The following CMYA5 variants were observed in gnomAD, a reference collection of about 807,000 sequenced individuals.
The protein encoded by CMYA5 is cardiomyopathy associated 5.
CMYA5 carries 246 observed loss-of-function variants against 318.9 expected under a neutral mutation model. The observed-to-expected ratio is 0.77, with a 90% confidence interval of 0.70 to 0.86. CMYA5 has a LOEUF of 0.86. CMYA5 is among the 40% of genes least tolerant of loss of function. The pLI is 0.00. For missense variants in CMYA5, 4,589 were observed against 4,678.2 expected (o/e 0.98, Z 0.56); for synonymous variants, 1,641 against 1,729.5 (o/e 0.95, Z 1.27).
At chr5:79,790,518 C>A (rs566806170) in intron 10 of CMYA5, among the ~76,000 whole-genome samples, 32 of 152,186 alleles carry the variant, frequency 2.1e-4, no homozygotes, top group African/African-American at 7.2e-4. Flanking sequence ...ATCTGCCCAC[C>A]TTGGCCTCCC....
In CMYA5 at chr5:79,708,235, G is replaced by C. The variant is rs79032503; in HGVS notation, c.149+18179G>C. On this transcript the variant is annotated intron_variant, in intron 1 of 12. Transcript: ENST00000446378. ...GTTTCTATCCCACGGACTTAGCACT[G>C]TGGGGTATATTAAGATAATGACACA... Among the ~76,000 whole-genome samples the C allele has an allele frequency of 5.7e-3, 861 of 152,302 alleles. 8 individuals carry two copies. The highest frequency in any genetic ancestry group is 0.02 in the African/African-American group (841 of 41,556).
chr5:79,750,950 T>C (rs2151092012), intron 5 of CMYA5, among the ~76,000 whole-genome samples: 1 of 152,268 alleles, frequency 6.6e-6, no homozygotes, highest in South Asian at 2.1e-4. Context: ...ATGTGTATTT[T>C]TAGAGGGCTT....
At chr5:79,755,432 G>A (rs541281086) in intron 6 of CMYA5, among the ~76,000 whole-genome samples, 3 of 152,082 alleles carry the variant, frequency 2.0e-5, no homozygotes, top group Admixed American at 1.3e-4. Context: ...GATTACAGGC[G>A]TGCATCACCA....
At chr5:79,692,923 G>A (rs1826997011) in intron 1 of CMYA5, among the ~76,000 whole-genome samples, 1 of 152,126 alleles carries the variant, frequency 6.6e-6, no homozygotes. Context: ...TAGACAATGC[G>A]AGGTGCTGGG....
chr5:79,692,164 G>T (rs1381630214), intron 1 of CMYA5, among the ~76,000 whole-genome samples: 1 of 152,092 alleles, frequency 6.6e-6, no homozygotes, highest in Admixed American at 6.6e-5. Context: ...CAAAAGGGAG[G>T]GGGGTGTAGT....
intron 1 of CMYA5, among the ~76,000 whole-genome samples, chr5:79,719,415 G>A (rs1827578512): frequency 6.6e-6 from 1 of 152,072 alleles, no homozygotes; most frequent in African/African-American, 2.4e-5. Context: ...GGAATTTTTG[G>A]CATGGTCATC....
intron 12 of CMYA5, among the ~76,000 whole-genome samples, chr5:79,794,275 G>T (rs1580811105): frequency 1.3e-5 from 2 of 152,224 alleles, no homozygotes; most frequent in Admixed American, 1.3e-4. Flanking sequence ...GGTGACAGAT[G>T]TCTGTCAAAT....
Position 79,799,856 on chromosome 5 carries a change from G to A in CMYA5, c.*240G>A. ...CACTCTTTAGTTTATATAAGTTTGAGTTCTTTCCTAAATTAAAAGATCTAC... is the reference window on the plus strand; with the variant it reads ...CACTCTTTAGTTTATATAAGTTTGAATTCTTTCCTAAATTAAAAGATCTAC... On this transcript the variant is annotated 3_prime_UTR_variant, in exon 13 of 13. Coordinates refer to ENST00000446378, the MANE Select transcript of CMYA5 (RefSeq NM_153610.5). The A allele has an allele frequency of 2.7e-5, 5 of 186,720 alleles. No individual in the cohort carries two copies. The highest frequency in any genetic ancestry group is 7.6e-5 in the Admixed American group (1 of 13,240). The allele number at this position is 186,720 out of a possible 1,614,324, so 11.6% of individuals were successfully genotyped here.
chr5:79,747,030 CTCTCTT>C (rs1285740217), intron 4 of CMYA5, 55 bp from the exon 5 acceptor site: 1 of 1,000,992 alleles, frequency 1.0e-6, no homozygotes, highest in East Asian at 2.6e-5. Flanking sequence ...TAGCTTCTCT[CTCTCTT>C]TCTCTCTCTC....
chr5:79,709,300 G>T (rs1030846017), intron 1 of CMYA5, among the ~76,000 whole-genome samples: 2 of 152,124 alleles, frequency 1.3e-5, no homozygotes, highest in African/African-American at 4.8e-5. Flanking sequence ...AAAAAAATGT[G>T]CTGAAAGATG....
chr5:79,699,178 A>AC lies in CMYA5; in HGVS notation c.149+9122_149+9123insC, dbSNP rs201891437. Among the ~76,000 whole-genome samples, 12 of 152,090 alleles carry AC rather than the reference A, an allele frequency of 7.9e-5. No individual in the cohort carries two copies. In the South Asian group the frequency reaches 1.9e-3, roughly 24 times the overall value. The stretch of plus-strand genomic sequence containing the variant: ...GTCTCAAACAACAACAACAACAACA[A>AC]AAAAAGAAAAGAAAAAGAGAAAAGA... On this transcript the variant is annotated intron_variant, in intron 1 of 12. Coordinates refer to ENST00000446378, the MANE Select transcript of CMYA5 (RefSeq NM_153610.5).
chr5:79,735,281 G>T lies in CMYA5; in HGVS notation c.6516G>T (p.Lys2172Asn). The change falls in exon 2 of 13, where the codon AAG becomes AAT. Residue 2172 changes from lysine to asparagine, a missense_variant. By Grantham distance (94) the Lys-to-Asn change is moderately conservative. This residue lies in a region of CMYA5 where 2,431 missense variants were observed against 2,495.1 expected (regional missense o/e 0.97). Coordinates refer to ENST00000446378, the MANE Select transcript of CMYA5 (RefSeq NM_153610.5). ...CGGACCTTCCTGAGGAAAAGGGAAA[G>T]AAAGGAATTTCATCTTTCAAATCGT... ...AKPDLPEEKG[K>N]KGISSFKSWM... 6.2e-7 allele frequency: 1 copy of T among 1,613,834 alleles called. No homozygotes were observed. The highest frequency in any genetic ancestry group is 8.5e-7 in the Non-Finnish European group (1 of 1,179,832).
intron 4 of CMYA5, 53 bp from the exon 5 acceptor site, chr5:79,747,038 C>T: frequency 9.5e-7 from 1 of 1,056,062 alleles, no homozygotes; most frequent in Non-Finnish European, 1.4e-6. Flanking sequence ...CTCTCTCTTT[C>T]TCTCTCTCTT....
chr5:79,708,425 T>G (rs1827316329), intron 1 of CMYA5, among the ~76,000 whole-genome samples: 1 of 151,956 alleles, frequency 6.6e-6, no homozygotes, highest in Admixed American at 6.6e-5. Context: ...ATTGAGATCA[T>G]CCTGGCTAAC....
Position 79,735,574 on chromosome 5 carries a change from C to G in CMYA5, c.6809C>G (p.Ser2270Ter). 1 of 1,613,144 alleles carries G rather than the reference C, an allele frequency of 6.2e-7. No individual in the cohort carries two copies. Among genetic ancestry groups the G allele is most frequent in the Non-Finnish European group, 8.5e-7 (1 of 1,179,638 alleles). The change falls in exon 2 of 13, where the codon TCA (serine) becomes TGA (stop). Residue 2270 changes from serine to a stop codon, truncating the protein, a stop_gained. Transcript: ENST00000446378. LOFTEE classifies it high-confidence loss of function. ...QNVKEKSMIL[S>*]NVEDLQQPKF... ...GTTAAAGAAAAATCCATGATTTTATCAAATGTAGAAGATTTACAACAGCCA... is the reference window on the plus strand; with the variant it reads ...GTTAAAGAAAAATCCATGATTTTATGAAATGTAGAAGATTTACAACAGCCA...
chr5:79,711,633 A>T (rs929983129), intron 1 of CMYA5, among the ~76,000 whole-genome samples: 3 of 152,188 alleles, frequency 2.0e-5, no homozygotes, highest in East Asian at 1.9e-4. Context: ...GAGAATAAAT[A>T]AAAAAATGGG....
chr5:79,712,603 A>G (rs748969300), intron 1 of CMYA5, among the ~76,000 whole-genome samples: 7 of 152,174 alleles, frequency 4.6e-5, no homozygotes, highest in Non-Finnish European at 8.8e-5. Context: ...ATTCCATCTA[A>G]TAGATGAGCT....
chr5:79,744,575 A>G (rs1319566575), intron 3 of CMYA5, among the ~76,000 whole-genome samples: 1 of 152,196 alleles, frequency 6.6e-6, no homozygotes, highest in African/African-American at 2.4e-5. Flanking sequence ...GCCGCTCCAC[A>G]TGCTGGTTTG....
At chr5:79,786,128 C>G (rs547744660) in intron 9 of CMYA5, among the ~76,000 whole-genome samples, 2 of 152,318 alleles carry the variant, frequency 1.3e-5, no homozygotes, top group African/African-American at 4.8e-5. Context: ...GTGAGATGAG[C>G]AGGTTGAGAG....
Sources: allele counts gnomAD v4.1 joint callset (sites outside exome capture counted in the v4.1 genomes callset), GRCh38; gene constraint gnomAD v4.1.1; regional missense constraint gnomAD v4.1.1; transcripts MANE v1.5; gene names NCBI Gene and HGNC (gene_info 2026-07-23, HGNC 2026-07-21).